The following NTM variants were observed in gnomAD, a reference collection of about 807,000 sequenced individuals.
NTM encodes the protein IgLON family member 2.
Under a neutral mutation model 42.1 loss-of-function variants are expected in NTM, and 13 were observed. The ratio of observed to expected loss-of-function variants is 0.31; its 90% CI spans 0.20 to 0.49. The LOEUF (loss-of-function observed/expected upper bound fraction) is 0.49. Among genes scored for constraint, NTM ranks in the 20% least tolerant of loss-of-function variants. The pLI, the probability that NTM is intolerant of heterozygous loss-of-function variation, is 0.99. For missense variants in NTM, 373 were observed against 452.8 expected, an observed-to-expected ratio of 0.82 and a Z score of 1.60; for synonymous variants, 187 against 179.2, an observed-to-expected ratio of 1.04 and a Z score of -0.35.
intron 1 of NTM, among the ~76,000 whole-genome samples, chr11:131,715,400 T>C (rs952169133): frequency 6.6e-6 from 1 of 152,222 alleles, no homozygotes; most frequent in African/African-American, 2.4e-5. Context: ...GGAAGAATTT[T>C]GTTTAGCATT....
intron 1 of NTM, among the ~76,000 whole-genome samples, chr11:131,746,975 G>C (rs981571598): frequency 6.6e-6 from 1 of 152,070 alleles, no homozygotes; most frequent in African/African-American, 2.4e-5. Context: ...TGTAAAATTG[G>C]TGTAAAAATA....
intron 3 of NTM, among the ~76,000 whole-genome samples, chr11:132,167,732 A>G (rs1435078660): frequency 6.6e-6 from 1 of 152,226 alleles, no homozygotes; most frequent in Non-Finnish European, 1.5e-5. Context: ...TTCCAATGAC[A>G]GGAAACACAA....
At chr11:132,274,286 T>A (rs2093624063) in intron 4 of NTM, among the ~76,000 whole-genome samples, 1 of 152,100 alleles carries the variant, frequency 6.6e-6, no homozygotes, top group Admixed American at 6.6e-5. Context: ...GTCCAGTGTA[T>A]TAAACTGAAA....
At chr11:131,539,677 A>G (rs1229324573) in intron 1 of NTM, 1 of 152,388 alleles carries the variant, frequency 6.6e-6, no homozygotes, top group Non-Finnish European at 1.5e-5. Context: ...AAAGAAAAGG[A>G]AAGCAAAGGG....
In NTM at chr11:132,163,388, C is replaced by A. The variant is rs568411031; in HGVS notation, c.400+16874C>A. On this transcript the variant is annotated intron_variant, in intron 3 of 8. Coordinates refer to ENST00000683400, the MANE Select transcript of NTM (RefSeq NM_001352005.2). Reference sequence around the variant, plus strand: ...GCAACTGTAGGAAAACAGTAGCAGGCAGGTTTCATCATGCAATGATAATGC... The same window carrying A: ...GCAACTGTAGGAAAACAGTAGCAGGAAGGTTTCATCATGCAATGATAATGC... Among the ~76,000 whole-genome samples, 15 of 152,310 alleles carry A rather than the reference C, an allele frequency of 9.8e-5. No individual in the cohort carries two copies. In the South Asian group the frequency reaches 2.5e-3, roughly 25 times the overall value.
chr11:131,496,638 T>C (rs1345546640), intron 1 of NTM, among the ~76,000 whole-genome samples: 2 of 152,214 alleles, frequency 1.3e-5, no homozygotes, highest in Non-Finnish European at 2.9e-5. Context: ...GGGAAAGTCA[T>C]TCTGACCCAG....
intron 4 of NTM, among the ~76,000 whole-genome samples, chr11:132,276,958 G>T (rs542481916): frequency 6.6e-6 from 1 of 152,136 alleles, no homozygotes; most frequent in African/African-American, 2.4e-5. Context: ...ATTCCACTAT[G>T]TTGTTGCTAG....
chr11:131,965,854 C>A (rs1278441254), intron 2 of NTM, among the ~76,000 whole-genome samples: 1 of 147,648 alleles, frequency 6.8e-6, no homozygotes, highest in Non-Finnish European at 1.5e-5. Flanking sequence ...GTAAACACTG[C>A]ATAAGAATAC....
chr11:132,211,037 T>C (rs1416893501), intron 3 of NTM, among the ~76,000 whole-genome samples: 2 of 152,096 alleles, frequency 1.3e-5, no homozygotes, highest in African/African-American at 4.8e-5. Context: ...TCTGGGCACA[T>C]GGATGAAGAA....
At chr11:131,466,950 CACTG>C (rs781687691) in intron 1 of NTM, among the ~76,000 whole-genome samples, 3 of 152,328 alleles carry the variant, frequency 2.0e-5, no homozygotes, top group Admixed American at 6.5e-5. Flanking sequence ...ACTGCACACT[CACTG>C]ACACACACGT....
chr11:131,911,680 G>A, intron 2 of NTM, 32 bp downstream of exon 2: 1 of 1,613,698 alleles, frequency 6.2e-7, no homozygotes, highest in Non-Finnish European at 8.5e-7. Context: ...GCGAACTGAT[G>A]GTTTGTATGG....
intron 1 of NTM, among the ~76,000 whole-genome samples, chr11:131,543,574 T>A (rs2053555650): frequency 6.6e-6 from 1 of 152,160 alleles, no homozygotes; most frequent in South Asian, 2.1e-4. Flanking sequence ...TCAAAGACCT[T>A]GGGGGTTTGC....
At chr11:132,263,402 CTTCT>C (rs1345558343) in intron 4 of NTM, among the ~76,000 whole-genome samples, 1 of 152,216 alleles carries the variant, frequency 6.6e-6, no homozygotes, top group African/African-American at 2.4e-5. Context: ...ACCTTCCTTC[CTTCT>C]GTTTCCTTCA....
At chr11:132,273,244 G>A (rs2093565947) in intron 4 of NTM, among the ~76,000 whole-genome samples, 2 of 147,100 alleles carry the variant, frequency 1.4e-5, no homozygotes, top group Admixed American at 6.8e-5. Flanking sequence ...TGCATTCCTG[G>A]TAGAAATTCC....
intron 1 of NTM, among the ~76,000 whole-genome samples, chr11:131,426,188 A>G (rs1948119247): frequency 6.6e-6 from 1 of 152,186 alleles, no homozygotes; most frequent in Non-Finnish European, 1.5e-5. Flanking sequence ...ACCTTGCTGA[A>G]GACTCCTAGT....
intron 4 of NTM, among the ~76,000 whole-genome samples, chr11:132,258,213 G>A (rs1447114476): frequency 6.6e-6 from 1 of 152,204 alleles, no homozygotes; most frequent in East Asian, 1.9e-4. Flanking sequence ...CTGGCAGAAA[G>A]GACATAGGAC....
At chr11:131,891,382 G>A (rs1301629389) in intron 1 of NTM, among the ~76,000 whole-genome samples, 1 of 152,142 alleles carries the variant, frequency 6.6e-6, no homozygotes, top group Non-Finnish European at 1.5e-5. Context: ...TATAAGACAG[G>A]GTTGACCACA....
At chr11:132,028,201 G>A (rs1033120257) in intron 2 of NTM, among the ~76,000 whole-genome samples, 3 of 148,720 alleles carry the variant, frequency 2.0e-5, no homozygotes, top group Non-Finnish European at 3.0e-5. Context: ...ACATCTCTGC[G>A]ATATCTGAGC....
intron 1 of NTM, among the ~76,000 whole-genome samples, chr11:131,637,402 A>G (rs903748974): frequency 1.3e-5 from 2 of 151,712 alleles, no homozygotes; most frequent in African/African-American, 4.8e-5. Flanking sequence ...ACCACATCAC[A>G]TCTCCCTCCC....
Sources: gnomAD v4.1 joint callset for allele counts (sites outside exome capture counted in the v4.1 genomes callset) on GRCh38, gnomAD v4.1.1 for gene constraint, MANE v1.5 for transcripts, NCBI Gene and HGNC (gene_info 2026-07-23, HGNC 2026-07-21) for gene names.